The following TASP1 variants were observed in gnomAD, a reference collection of about 807,000 sequenced individuals.
The protein encoded by TASP1 is threonine aspartase 1.
TASP1 carries 16 observed loss-of-function variants against 56.6 expected under a neutral mutation model. The observed-to-expected ratio is 0.28, with a 90% confidence interval of 0.19 to 0.43. The LOEUF (loss-of-function observed/expected upper bound fraction) is 0.43. TASP1 is among the 20% of genes least tolerant of loss of function. TASP1 has a pLI of 1.00. For missense variants in TASP1, 393 were observed against 511.6 expected (o/e 0.77, Z 2.24); for synonymous variants, 179 against 184.2 (o/e 0.97, Z 0.23).
intron 2 of TASP1, among the ~76,000 whole-genome samples, chr20:13,628,133 C>T (rs1202943155): frequency 6.6e-6 from 1 of 152,206 alleles, no homozygotes; most frequent in Non-Finnish European, 1.5e-5. Flanking sequence ...TGAATAAGCT[C>T]TACCTTTAAT....
chr20:13,150,882 C>T, the TASP1 span, among the ~76,000 whole-genome samples: 3 of 152,222 alleles, frequency 2.0e-5, no homozygotes, highest in East Asian at 1.9e-4. Context: ...GCTTATCCTT[C>T]GGATCTTTGT....
intron 1 of TASP1, among the ~76,000 whole-genome samples, chr20:13,635,818 C>G (rs970950168): frequency 2.6e-5 from 4 of 152,220 alleles, no homozygotes; most frequent in African/African-American, 9.6e-5. Context: ...AGGTCCACCT[C>G]ACTCTTGGCC....
chr20:13,540,553 G>A (rs1263815944), intron 8 of TASP1, among the ~76,000 whole-genome samples: 1 of 152,128 alleles, frequency 6.6e-6, no homozygotes, highest in Non-Finnish European at 1.5e-5. Flanking sequence ...GAAGATTGCT[G>A]AGCAATAAAA....
chr20:13,260,195 C>T, the TASP1 span, among the ~76,000 whole-genome samples: 2 of 152,196 alleles, frequency 1.3e-5, no homozygotes, highest in Admixed American at 1.3e-4. Context: ...TTCTCTTCAC[C>T]TCTGGCCATA....
intron 11 of TASP1, among the ~76,000 whole-genome samples, chr20:13,445,621 GC>G (rs2043382249): frequency 6.6e-6 from 1 of 152,114 alleles, no homozygotes; most frequent in Non-Finnish European, 1.5e-5. Context: ...TAGGTTTTCA[GC>G]CCTAGTTCCA....
the TASP1 span, among the ~76,000 whole-genome samples, chr20:13,262,545 A>G: frequency 4.8e-4 from 73 of 151,826 alleles, no homozygotes; most frequent in African/African-American, 1.7e-3. Flanking sequence ...AGAATAATTT[A>G]TCCTTCATTT....
the TASP1 span, among the ~76,000 whole-genome samples, chr20:13,127,546 A>C: frequency 1.3e-5 from 2 of 152,198 alleles, no homozygotes; most frequent in Non-Finnish European, 2.9e-5. Flanking sequence ...GGGGTACTCC[A>C]TCAGTTTTCA....
chr20:13,359,941 C>A, the TASP1 span, among the ~76,000 whole-genome samples: 16 of 152,062 alleles, frequency 1.1e-4, no homozygotes, highest in African/African-American at 3.4e-4. Flanking sequence ...TTACCCCACT[C>A]AATGCCAATA....
chr20:13,505,869 G>A (rs969395870), intron 10 of TASP1, among the ~76,000 whole-genome samples: 20 of 151,798 alleles, frequency 1.3e-4, no homozygotes, highest in African/African-American at 2.9e-4. Flanking sequence ...AAAAACATAC[G>A]AAGGCCAAAG....
chr20:13,198,818 CTTT>C, the TASP1 span, among the ~76,000 whole-genome samples: 1 of 136,948 alleles, frequency 7.3e-6, no homozygotes, highest in Admixed American at 7.5e-5. Flanking sequence ...TTCTTTCTTT[CTTT>C]CTTTCTTTCT....
the TASP1 span, among the ~76,000 whole-genome samples, chr20:13,350,899 C>T: frequency 6.6e-6 from 1 of 151,198 alleles, no homozygotes; most frequent in Non-Finnish European, 1.5e-5. Context: ...TGAGGTCTCA[C>T]TATGTTACCC....
chr20:13,477,484 A>G (rs888604669), intron 11 of TASP1, among the ~76,000 whole-genome samples: 1 of 152,168 alleles, frequency 6.6e-6, no homozygotes, highest in Non-Finnish European at 1.5e-5. Context: ...AAAATGTACC[A>G]TGATATTAGT....
At chr20:13,569,998 A>AC (rs1414279846) in intron 6 of TASP1, among the ~76,000 whole-genome samples, 2 of 152,112 alleles carry the variant, frequency 1.3e-5, no homozygotes, top group Non-Finnish European at 2.9e-5. Context: ...CTAGCAGAAT[A>AC]CCTGGATCCA....
At chr20:13,117,871 C>T in the TASP1 span, 3 of 670,722 alleles carry the variant, frequency 4.5e-6, no homozygotes, top group South Asian at 6.3e-5. Context: ...GGGTTCACAG[C>T]CAGATAAGGC....
the TASP1 span, among the ~76,000 whole-genome samples, chr20:13,376,177 T>C: frequency 3.3e-5 from 5 of 152,226 alleles, no homozygotes; most frequent in African/African-American, 1.2e-4. Context: ...TAGTATTGCC[T>C]AGGTTTTCTT....
At chr20:13,585,397 G>A (rs1415779712) in intron 5 of TASP1, among the ~76,000 whole-genome samples, 2 of 152,080 alleles carry the variant, frequency 1.3e-5, no homozygotes, top group African/African-American at 4.8e-5. Context: ...ACCATTAAGA[G>A]ATTGTAAAGG....
the TASP1 span, among the ~76,000 whole-genome samples, chr20:13,187,382 A>G: frequency 1.3e-5 from 2 of 152,032 alleles, no homozygotes; most frequent in African/African-American, 2.4e-5. Flanking sequence ...CTCAGAGAAC[A>G]CTATAAAGAT....
chr20:13,402,973 C>T (rs1040796133), intron 13 of TASP1, among the ~76,000 whole-genome samples: 9 of 152,096 alleles, frequency 5.9e-5, no homozygotes, highest in African/African-American at 1.9e-4. Flanking sequence ...GATGGGTGAG[C>T]TTAAAAGAAA....
chr20:13,462,013 A>G lies in TASP1; in HGVS notation c.985+21214T>C, dbSNP rs570330214. Reference sequence around the variant, plus strand: ...GTAACTAGAGGGGATGATGGGACACAGTTCTAGCCAATAAGACACAAGGAG... The same window carrying G: ...GTAACTAGAGGGGATGATGGGACACGGTTCTAGCCAATAAGACACAAGGAG... On this transcript the variant is annotated intron_variant, in intron 11 of 13. Coordinates refer to ENST00000337743, the MANE Select transcript of TASP1 (RefSeq NM_017714.3). Among the ~76,000 whole-genome samples, 11 of 152,266 alleles carry G rather than the reference A, an allele frequency of 7.2e-5. No homozygotes were observed. The East Asian group carries it at 2.1e-3, about 29-fold the overall frequency.
Sources: gnomAD v4.1 joint callset for allele counts (sites outside exome capture counted in the v4.1 genomes callset) on GRCh38, gnomAD v4.1.1 for gene constraint, MANE v1.5 for transcripts, NCBI Gene and HGNC (gene_info 2026-07-23, HGNC 2026-07-21) for gene names.